The following PAN3 variants were observed in gnomAD, a reference collection of about 807,000 sequenced individuals.
PAN3 encodes the protein poly(A) specific ribonuclease subunit PAN3.
PAN3 carries 19 observed loss-of-function variants against 96.2 expected under a neutral mutation model. That is an observed-to-expected ratio of 0.20 (90% CI 0.14 to 0.29). The LOEUF (loss-of-function observed/expected upper bound fraction) is 0.29. Among genes scored for constraint, PAN3 ranks in the 10% least tolerant of loss-of-function variants. The probability of loss-of-function intolerance (pLI) is 1.00; values close to 1 mark genes in which losing one functional copy is unlikely to be tolerated. For missense variants in PAN3, 882 were observed against 1,108.1 expected, an observed-to-expected ratio of 0.80 and a Z score of 2.90; for synonymous variants, 433 against 406.6, an observed-to-expected ratio of 1.06 and a Z score of -0.78.
chr13:28,251,685 C>A (rs1884733968), intron 6 of PAN3, among the ~76,000 whole-genome samples: 2 of 152,156 alleles, frequency 1.3e-5, no homozygotes, highest in Non-Finnish European at 2.9e-5. Flanking sequence ...TTTCCAGAGT[C>A]CTGGTTTTAC....
chr13:28,273,543 G>A (rs1886807939), intron 14 of PAN3, among the ~76,000 whole-genome samples: 1 of 152,048 alleles, frequency 6.6e-6, no homozygotes, highest in Non-Finnish European at 1.5e-5. Flanking sequence ...GGAGGTTGCA[G>A]TGAGCTGAGA....
At chr13:28,219,305 A>G (rs1260399004) in intron 5 of PAN3, among the ~76,000 whole-genome samples, 1 of 151,994 alleles carries the variant, frequency 6.6e-6, no homozygotes, top group African/African-American at 2.4e-5. Flanking sequence ...CATTTGTTCT[A>G]TATTTTATCA....
chr13:28,146,266 A>G (rs1199928641), intron 1 of PAN3, among the ~76,000 whole-genome samples: 2 of 151,108 alleles, frequency 1.3e-5, no homozygotes, highest in African/African-American at 2.4e-5. Flanking sequence ...TATACCATAT[A>G]TACCTAAATA....
At chr13:28,174,482 G>T in intron 2 of PAN3, 89 bp downstream of exon 2, 1 of 1,412,016 alleles carries the variant, frequency 7.1e-7, no homozygotes. Flanking sequence ...TACATTTGTT[G>T]AGTGGGAGGT....
chr13:28,258,427 G>A (rs1048911445), intron 7 of PAN3, among the ~76,000 whole-genome samples: 1 of 152,176 alleles, frequency 6.6e-6, no homozygotes, highest in African/African-American at 2.4e-5. Context: ...AAAGGGTGGT[G>A]GGATGAGTCC....
chr13:28,171,838 T>G (rs1241150640), intron 1 of PAN3, among the ~76,000 whole-genome samples: 1 of 152,196 alleles, frequency 6.6e-6, no homozygotes, highest in Non-Finnish European at 1.5e-5. Flanking sequence ...TGGGTAGGGC[T>G]GAAAGTTCCA....
chr13:28,283,071 G>A (rs1376283320), intron 17 of PAN3, among the ~76,000 whole-genome samples: 1 of 150,766 alleles, frequency 6.6e-6, no homozygotes, highest in African/African-American at 2.4e-5. Context: ...TTTTTTGAGA[G>A]GGAATCTCGC....
intron 1 of PAN3, among the ~76,000 whole-genome samples, chr13:28,156,898 G>C (rs766355234): frequency 1.9e-4 from 28 of 151,306 alleles, no homozygotes; most frequent in Non-Finnish European, 4.1e-4. Flanking sequence ...GAGAAGCTGA[G>C]GTGGAAGGAT....
chr13:28,156,037 T>C (rs1427475846), intron 1 of PAN3, among the ~76,000 whole-genome samples: 1 of 152,162 alleles, frequency 6.6e-6, no homozygotes, highest in African/African-American at 2.4e-5. Flanking sequence ...CCCCCAAAGC[T>C]GGCAGAAGAC....
chr13:28,195,319 T>G (rs1244870720), intron 4 of PAN3, among the ~76,000 whole-genome samples: 14 of 151,768 alleles, frequency 9.2e-5, no homozygotes. Flanking sequence ...GGGAGGGTCG[T>G]TTGAGCCCCT....
At chr13:28,211,420 T>C (rs1477420489) in intron 5 of PAN3, among the ~76,000 whole-genome samples, 1 of 152,188 alleles carries the variant, frequency 6.6e-6, no homozygotes, top group Non-Finnish European at 1.5e-5. Flanking sequence ...TTCAAAGATG[T>C]GGGCATTATC....
chr13:28,251,625 G>A (rs770858635), intron 6 of PAN3, among the ~76,000 whole-genome samples: 1 of 152,106 alleles, frequency 6.6e-6, no homozygotes, highest in African/African-American at 2.4e-5. Flanking sequence ...CGACAGACAG[G>A]CTTCCCTTTT....
At chr13:28,218,632 C>T (rs1345339909) in intron 5 of PAN3, among the ~76,000 whole-genome samples, 4 of 152,012 alleles carry the variant, frequency 2.6e-5, no homozygotes, top group Non-Finnish European at 4.4e-5. Flanking sequence ...GTAGAATGGA[C>T]CTTCCCCTCT....
chr13:28,274,598 A>G (rs1353952388), intron 14 of PAN3, among the ~76,000 whole-genome samples: 1 of 152,032 alleles, frequency 6.6e-6, no homozygotes, highest in African/African-American at 2.4e-5. Flanking sequence ...AAAACTTTTC[A>G]TAAGAAAAAA....
Position 28,256,289 on chromosome 13 carries a change from C to T in PAN3, c.1001-3C>T. ...TTAAGAAACATTTTTACATCTTCTT[C>T]AGGAATGTCGTTGTCTGCTGGGTCT... On this transcript the variant is annotated splice_polypyrimidine_tract_variant and splice_region_variant and intron_variant, in intron 6 of 18. Coordinates refer to ENST00000380958, the MANE Select transcript of PAN3 (RefSeq NM_175854.8). The T allele has an allele frequency of 6.2e-7, 1 of 1,609,800 alleles. No individual in the cohort carries two copies. Among genetic ancestry groups the T allele is most frequent in the Non-Finnish European group, 8.5e-7 (1 of 1,177,860 alleles).
At chr13:28,253,381 T>C (rs1285972623) in intron 6 of PAN3, among the ~76,000 whole-genome samples, 2 of 152,198 alleles carry the variant, frequency 1.3e-5, no homozygotes, top group African/African-American at 4.8e-5. Context: ...AGAATACCTC[T>C]CTCCAAGTGG....
intron 17 of PAN3, among the ~76,000 whole-genome samples, chr13:28,285,787 A>G (rs956652037): frequency 6.6e-6 from 1 of 151,750 alleles, no homozygotes; most frequent in South Asian, 2.1e-4. Flanking sequence ...TTCTGCTATC[A>G]TATTTTTATT....
chr13:28,239,200 C>CGCGT, intron 6 of PAN3, among the ~76,000 whole-genome samples: 1 of 103,616 alleles, frequency 9.7e-6, no homozygotes, highest in South Asian at 3.8e-4. Context: ...CATGCACACA[C>CGCGT]GCACACACAC....
intron 1 of PAN3, among the ~76,000 whole-genome samples, chr13:28,141,468 T>TTC (rs1555267122): frequency 3.1e-5 from 4 of 127,738 alleles, no homozygotes; most frequent in Non-Finnish European, 4.8e-5. Context: ...TTTTCTTTTT[T>TTC]TTTTTTTTTT....
Sources: allele counts gnomAD v4.1 joint callset (sites outside exome capture counted in the v4.1 genomes callset), GRCh38; gene constraint gnomAD v4.1.1; transcripts MANE v1.5; gene names NCBI Gene and HGNC (gene_info 2026-07-23, HGNC 2026-07-21).